GON4L: variants seen among roughly 807,000 people sequenced by gnomAD.
GON4L encodes gon-4 like, also known as GON-4-like protein.
Under a neutral mutation model 211.8 loss-of-function variants are expected in GON4L, and 87 were observed. The ratio of observed to expected loss-of-function variants is 0.41; its 90% CI spans 0.35 to 0.49. The LOEUF (loss-of-function observed/expected upper bound fraction) is 0.49. GON4L is among the 20% of genes least tolerant of loss of function. The probability of loss-of-function intolerance (pLI) is 0.15; values close to 1 mark genes in which losing one functional copy is unlikely to be tolerated. For synonymous variants in GON4L, 875 were observed against 962.6 expected (o/e 0.91, Z 1.68); for missense variants, 2,155 against 2,659.5 (o/e 0.81, Z 4.17).
chr1:155,836,649 G>A (rs1425483564), intron 2 of GON4L, among the ~76,000 whole-genome samples: 2 of 152,190 alleles, frequency 1.3e-5, no homozygotes, highest in African/African-American at 4.8e-5. Context: ...TGGGTTGTTA[G>A]TCAGTTCGTT....
At chr1:155,779,979 T>C (rs1192214701) in intron 14 of GON4L, among the ~76,000 whole-genome samples, 6 of 151,848 alleles carry the variant, frequency 4.0e-5, no homozygotes, top group Non-Finnish European at 8.8e-5. Flanking sequence ...TGTATTTTTT[T>C]GTAGAGACAG....
intron 6 of GON4L, among the ~76,000 whole-genome samples, chr1:155,817,864 G>C (rs1462597902): frequency 6.6e-6 from 1 of 151,042 alleles, no homozygotes; most frequent in Non-Finnish European, 1.5e-5. Context: ...GGAGTTCAAG[G>C]CTGCAGTGAG....
chr1:155,774,946 T>C, intron 17 of GON4L, 56 bp downstream of exon 17: 2 of 1,602,904 alleles, frequency 1.2e-6, no homozygotes, highest in Non-Finnish European at 1.7e-6. Flanking sequence ...TGGGATAAGA[T>C]TCCCACCACC....
At chr1:155,767,566 A>C in intron 19 of GON4L, 25 bp from the exon 20 acceptor site, 1 of 1,596,678 alleles carries the variant, frequency 6.3e-7, no homozygotes, top group East Asian at 2.2e-5. Flanking sequence ...AATGCGCATG[A>C]ATTACATTCC....
At chr1:155,773,257 G>A (rs762998872) in intron 17 of GON4L, 47 bp from the exon 18 acceptor site, 3 of 1,609,498 alleles carry the variant, frequency 1.9e-6, no homozygotes, top group Non-Finnish European at 2.5e-6. Context: ...GGACAAAAGA[G>A]GGCTTCATAA....
At chr1:155,806,828 T>C (rs554678964) in intron 10 of GON4L, among the ~76,000 whole-genome samples, 2 of 152,264 alleles carry the variant, frequency 1.3e-5, no homozygotes, top group African/African-American at 4.8e-5. Context: ...GCTGGCTGAA[T>C]GCATTGGCTC....
At chr1:155,817,609 G>T (rs1486259363) in intron 6 of GON4L, among the ~76,000 whole-genome samples, 1 of 152,186 alleles carries the variant, frequency 6.6e-6, no homozygotes, top group East Asian at 1.9e-4. Flanking sequence ...GTGTGTTGGA[G>T]TCAGTCTAGT....
In GON4L at chr1:155,822,446, C is replaced by A. The variant is rs905299053; in HGVS notation, c.728G>T (p.Arg243Met). ...EEQDNEESEKRRKKKKGTKRK... is the reference protein window; with the variant it reads ...EEQDNEESEKMRKKKKGTKRK... ...CTTGGTACCCTTTTTCTTTTTTCTCCTTTTCTCACTTTCTTCATTGTCTTG... is the reference window on the plus strand; with the variant it reads ...CTTGGTACCCTTTTTCTTTTTTCTCATTTTCTCACTTTCTTCATTGTCTTG... Residue 243 changes from arginine (R) to methionine (M), a missense_variant, in exon 4 of 32, where the codon AGG becomes ATG. Physicochemically the swap from Arg to Met is moderately conservative, Grantham distance 91. Transcript: ENST00000368331. 3 of 1,613,516 alleles carry A rather than the reference C, an allele frequency of 1.9e-6. No individual in the cohort carries two copies. Among genetic ancestry groups the A allele is most frequent in the Non-Finnish European group, 2.5e-6 (3 of 1,179,734 alleles).
In GON4L at chr1:155,783,204, C is replaced by T. The variant is rs528567244; in HGVS notation, c.1892+782G>A. Among the ~76,000 whole-genome samples the T allele has an allele frequency of 3.9e-5, 6 of 152,258 alleles. No individual in the cohort carries two copies. The South Asian group carries it at 6.2e-4, about 16-fold the overall frequency. ...ATTACTGGTATTTCTAGTTTTTAGA[C>T]ATTGGTTGGCATATCTTATCTTTTT... is the stretch of plus-strand genomic sequence containing the variant. On this transcript the variant is annotated intron_variant, in intron 14 of 31. Transcript: ENST00000368331.
At chr1:155,820,988 C>T (rs547630540) in intron 5 of GON4L, among the ~76,000 whole-genome samples, 88 of 152,016 alleles carry the variant, frequency 5.8e-4, no homozygotes, top group African/African-American at 1.8e-3. Context: ...ATAACAAGGC[C>T]GGGCGCGGTG....
intron 12 of GON4L, among the ~76,000 whole-genome samples, chr1:155,786,391 T>G (rs1394142473): frequency 2.6e-5 from 4 of 151,778 alleles, no homozygotes; most frequent in Non-Finnish European, 5.9e-5. Context: ...TTAGCTGGGC[T>G]TGGTGACGCA....
intron 27 of GON4L, among the ~76,000 whole-genome samples, chr1:155,754,921 T>C (rs1661016069): frequency 6.7e-6 from 1 of 149,076 alleles, no homozygotes; most frequent in African/African-American, 2.5e-5. Flanking sequence ...TTTTTTTTTT[T>C]TTTGAGATAA....
chr1:155,816,967 TA>T (rs1413061085), intron 6 of GON4L, among the ~76,000 whole-genome samples: 1 of 152,038 alleles, frequency 6.6e-6, no homozygotes, highest in Non-Finnish European at 1.5e-5. Flanking sequence ...AAAATTTTTA[TA>T]AGAGCTAGGG....
intron 12 of GON4L, among the ~76,000 whole-genome samples, chr1:155,785,834 T>C (rs936788502): frequency 6.6e-6 from 1 of 152,152 alleles, no homozygotes; most frequent in Admixed American, 6.6e-5. Flanking sequence ...CGGTGGCTCA[T>C]GCCTGTAATC....
At chr1:155,763,177 G>T in intron 22 of GON4L, 135 bp downstream of exon 22, 1 of 675,140 alleles carries the variant, frequency 1.5e-6, no homozygotes, top group Non-Finnish European at 2.5e-6. Flanking sequence ...TGGGGGAGGG[G>T]TGTTGCAGAA....
intron 14 of GON4L, among the ~76,000 whole-genome samples, chr1:155,781,967 G>C (rs1323012009): frequency 6.6e-6 from 1 of 152,138 alleles, no homozygotes; most frequent in Non-Finnish European, 1.5e-5. Context: ...ATGTTGACCA[G>C]GCTGGTCTGA....
At chr1:155,833,508 T>C (rs998146432) in intron 2 of GON4L, among the ~76,000 whole-genome samples, 5 of 150,898 alleles carry the variant, frequency 3.3e-5, no homozygotes, top group Non-Finnish European at 5.9e-5. Context: ...TAGCCAGGCA[T>C]GATGGCAGGT....
chr1:155,794,925 G>A, intron 12 of GON4L, 125 bp downstream of exon 12: 1 of 705,604 alleles, frequency 1.4e-6, no homozygotes, highest in African/African-American at 1.7e-5. Context: ...ATCAATAAAT[G>A]GGTAAAGGAA....
At chr1:155,833,326 G>T (rs1669968953) in intron 2 of GON4L, among the ~76,000 whole-genome samples, 2 of 151,936 alleles carry the variant, frequency 1.3e-5, no homozygotes, top group Non-Finnish European at 2.9e-5. Context: ...GCCTTCTCTA[G>T]CTATTTCTCA....
Sources: gnomAD v4.1 joint callset for allele counts (sites outside exome capture counted in the v4.1 genomes callset) on GRCh38, gnomAD v4.1.1 for gene constraint, MANE v1.5 for transcripts, NCBI Gene and HGNC (gene_info 2026-07-23, HGNC 2026-07-21) for gene names.